The following FHAD1 variants were observed in gnomAD, a reference collection of about 807,000 sequenced individuals.
FHAD1 encodes forkhead-associated domain-containing protein 1.
In FHAD1, 146 loss-of-function variants were observed where a neutral mutation model predicts 191.3. The observed-to-expected ratio is 0.76, with a 90% CI of 0.67 to 0.88. The LOEUF (loss-of-function observed/expected upper bound fraction) is 0.88. FHAD1 is among the 40% of genes least tolerant of loss of function. FHAD1 has a pLI of 0.00. For missense variants in FHAD1, 1,635 were observed against 1,785.8 expected, an observed-to-expected ratio of 0.92 and a Z score of 1.52; for synonymous variants, 616 against 672.3, an observed-to-expected ratio of 0.92 and a Z score of 1.29.
In FHAD1 at chr1:15,368,146, G is replaced by A. The variant is rs61605981; in HGVS notation, c.3314+524G>A. ...GCCACCAGGCCTGGCTAATTTTTTT[G>A]TATTTTTAGTAGAGATGGAGATTAA... On this transcript the variant is annotated intron_variant, in intron 25 of 33. Transcript: ENST00000688493. Among the ~76,000 whole-genome samples, 306 of 152,050 alleles carry A rather than the reference G, an allele frequency of 2.0e-3. 7 individuals carry two copies. The East Asian group carries it at 0.054, about 27-fold the overall frequency.
intron 2 of FHAD1, among the ~76,000 whole-genome samples, chr1:15,256,645 CAAAAAAAAAAAAAAAAA>C (rs34598860): frequency 1.4e-5 from 1 of 71,264 alleles, no homozygotes; most frequent in African/African-American, 6.9e-5. Context: ...AGACTCTGTC[CAAAAAAAAAAAAAAAAA>C]AAAAAAAAAA....
At position 15,336,342 on chromosome 1, in the gene FHAD1, G is replaced by A. The variant is rs182255734; in HGVS notation, c.1907-3139G>A. Among the ~76,000 whole-genome samples, 22 of 152,196 alleles carry A rather than the reference G, an allele frequency of 1.4e-4. 1 individual carries two copies. Among genetic ancestry groups the A allele is most frequent in the Admixed American group, 1.4e-3 (22 of 15,290 alleles). On this transcript the variant is annotated intron_variant, in intron 14 of 33. Transcript: ENST00000688493. ...ATTGCTGTTCTCACGCTTCTGTGCT[G>A]GAAATCCTCCGAATGGTGCATTGCC... is the stretch of plus-strand genomic sequence containing the variant.
intron 3 of FHAD1, among the ~76,000 whole-genome samples, chr1:15,282,624 G>A (rs1310585291): frequency 6.6e-6 from 1 of 152,202 alleles, no homozygotes; most frequent in Non-Finnish European, 1.5e-5. Flanking sequence ...CATAGTTTAT[G>A]AATACCAGAA....
At chr1:15,361,744 C>T (rs1010597528) in intron 22 of FHAD1, among the ~76,000 whole-genome samples, 13 of 147,864 alleles carry the variant, frequency 8.8e-5, no homozygotes, top group African/African-American at 1.7e-4. Flanking sequence ...CAGTGGCTCA[C>T]GCCTGTAATC....
At chr1:15,275,834 C>A (rs752626) in intron 3 of FHAD1, among the ~76,000 whole-genome samples, 1 of 151,906 alleles carries the variant, frequency 6.6e-6, no homozygotes, top group African/African-American at 2.4e-5. Flanking sequence ...GTCTTCCCCG[C>A]GGTAGAGTTT....
intron 26 of FHAD1, among the ~76,000 whole-genome samples, chr1:15,370,722 G>A (rs188522682): frequency 1.3e-5 from 2 of 152,312 alleles, no homozygotes; most frequent in East Asian, 3.9e-4. Flanking sequence ...CTGGGGCTGT[G>A]ATACTCCCGA....
chr1:15,364,960 T>C (rs1425895829), intron 23 of FHAD1, among the ~76,000 whole-genome samples: 5 of 152,200 alleles, frequency 3.3e-5, no homozygotes, highest in Admixed American at 6.5e-5. Flanking sequence ...TCCAGGGGTG[T>C]GGGAGGGGAA....
In FHAD1 at chr1:15,366,100, AT is replaced by A. The variant is rs200432018; in HGVS notation, c.3154+168del. Reference sequence around the variant, plus strand: ...CAGGAGTTCAAGACCAGCCTGGCCAATATGGTGAAAACCCACCTCTACTAAA... The same window carrying A: ...CAGGAGTTCAAGACCAGCCTGGCCAAATGGTGAAAACCCACCTCTACTAAA... On this transcript the variant is annotated intron_variant, in intron 24 of 33. Coordinates refer to ENST00000688493, the MANE Select transcript of FHAD1 (RefSeq NM_001391957.1). Among the ~76,000 whole-genome samples the A allele has an allele frequency of 8.6e-3, 1,311 of 152,198 alleles. 9 individuals are homozygous for A. Among genetic ancestry groups the A allele is most frequent in the Non-Finnish European group, 0.014 (927 of 67,994 alleles).
chr1:15,360,993 T>C (rs1285185801), intron 22 of FHAD1, among the ~76,000 whole-genome samples: 1 of 152,138 alleles, frequency 6.6e-6, no homozygotes. Flanking sequence ...CAGCGCGAAG[T>C]GGAATCATCT....
chr1:15,280,364 G>GT (rs1393163490), intron 3 of FHAD1, among the ~76,000 whole-genome samples: 5 of 152,130 alleles, frequency 3.3e-5, no homozygotes, highest in African/African-American at 4.8e-5. Flanking sequence ...CTGAGACCAG[G>GT]TTTTTTTATA....
At chr1:15,267,257 T>C (rs889190494) in intron 2 of FHAD1, among the ~76,000 whole-genome samples, 1 of 152,240 alleles carries the variant, frequency 6.6e-6, no homozygotes, top group Non-Finnish European at 1.5e-5. Flanking sequence ...ATTACATTAA[T>C]TGATTTTCAA....
chr1:15,378,669 G>A (rs1056297545), intron 28 of FHAD1, among the ~76,000 whole-genome samples: 2 of 152,176 alleles, frequency 1.3e-5, no homozygotes, highest in African/African-American at 4.8e-5. Context: ...AGATAAATGT[G>A]TCCACTCTTA....
chr1:15,395,301 C>T (rs1247299131), intron 33 of FHAD1, among the ~76,000 whole-genome samples: 1 of 133,100 alleles, frequency 7.5e-6, no homozygotes, highest in Non-Finnish European at 1.5e-5. Context: ...GAGCAAGACT[C>T]CATCTCAAAA....
At chr1:15,282,865 T>C (rs1174547323) in intron 3 of FHAD1, among the ~76,000 whole-genome samples, 1 of 152,244 alleles carries the variant, frequency 6.6e-6, no homozygotes, top group East Asian at 1.9e-4. Context: ...TAATGCAGAA[T>C]AGGCAAGCCC....
rs1230752308 is a variant in FHAD1 at position 15,247,406 on chromosome 1, C to T, written c.-15+11C>T. Reference sequence around the variant, plus strand: ...TCCTCCTCCCGCCAGGTGAGTGCGGCGCGGGAAGGGGTGGCGGGCCGAGAC... The same window carrying T: ...TCCTCCTCCCGCCAGGTGAGTGCGGTGCGGGAAGGGGTGGCGGGCCGAGAC... On this transcript the variant is annotated intron_variant, in intron 1 of 33. Transcript: ENST00000688493. 1 of 198,288 alleles carries T rather than the reference C, an allele frequency of 5.0e-6. No individual in the cohort carries two copies. The highest frequency in any genetic ancestry group is 4.8e-5 in the South Asian group (1 of 20,724). 12.3% of individuals were successfully genotyped at this position (198,288 alleles called of 1,614,324 possible).
At chr1:15,337,114 C>G (rs1357166415) in intron 14 of FHAD1, among the ~76,000 whole-genome samples, 1 of 152,168 alleles carries the variant, frequency 6.6e-6, no homozygotes. Flanking sequence ...GGTCCCTGGC[C>G]AGGGGCCATG....
intron 3 of FHAD1, among the ~76,000 whole-genome samples, chr1:15,284,685 TAAC>T (rs1193841726): frequency 6.6e-6 from 1 of 152,050 alleles, no homozygotes; most frequent in Non-Finnish European, 1.5e-5. Flanking sequence ...GTTAGCGTAA[TAAC>T]ACAAGAAACA....
chr1:15,286,984 T>G (rs1459954949), intron 3 of FHAD1: 2 of 152,298 alleles, frequency 1.3e-5, no homozygotes, highest in South Asian at 2.1e-4. Context: ...GTTTGCCCGC[T>G]GTCATCTTCA....
rs116117875 is a variant in FHAD1, at chr1:15,276,025, A to C, written c.300+3496A>C. ...TGGGAGGTGGAGGCAGAAGTTAGAG[A>C]CCCAAATGTGTTTGTAGACATCACA... On this transcript the variant is annotated intron_variant, in intron 3 of 33. Transcript: ENST00000688493. This position sits in a 1 kb window ranked among gnomAD's most constrained non-coding sequence, Gnocchi z 4.7. Among the ~76,000 whole-genome samples the C allele has an allele frequency of 8.7e-4, 133 of 152,256 alleles. No homozygotes were observed. Among genetic ancestry groups the C allele is most frequent in the African/African-American group, 3.1e-3 (130 of 41,544 alleles).
Sources: allele counts gnomAD v4.1 joint callset (sites outside exome capture counted in the v4.1 genomes callset), GRCh38; gene constraint gnomAD v4.1.1; non-coding constraint Gnocchi (gnomAD v3.1); transcripts MANE v1.5; gene names NCBI Gene and HGNC (gene_info 2026-07-23, HGNC 2026-07-21).